Variants in UFD1 observed in about 807,000 individuals in gnomAD.
UFD1 encodes ubiquitin recognition factor in ER-associated degradation protein 1.
Under a neutral mutation model 45.9 loss-of-function variants are expected in UFD1, and 13 were observed. The ratio of observed to expected loss-of-function variants is 0.28; its 90% CI spans 0.18 to 0.45. The LOEUF (loss-of-function observed/expected upper bound fraction) is 0.45, where lower values mean the gene tolerates loss of function less well. UFD1 is among the 20% of genes least tolerant of loss of function. The pLI is 1.00. For synonymous variants in UFD1, 128 were observed against 139.2 expected (o/e 0.92, Z 0.56); for missense variants, 218 against 389.2 (o/e 0.56, Z 3.70).
rs374170151 is a variant in UFD1, at chr22:19,455,816, G to A, written c.679-48C>T. On this transcript the variant is annotated intron_variant, in intron 9 of 11. Coordinates refer to ENST00000263202, the MANE Select transcript of UFD1 (RefSeq NM_005659.7). ...ATATAATAAGCCCAAGTGTGAGGAC[G>A]ATATGTCCTTTGCTTGGAGATCACT... 7.5e-5 allele frequency: 116 copies of A among 1,549,080 alleles called. 2 individuals carry two copies. The Middle Eastern group carries it at 8.4e-4, about 11-fold the overall frequency.
intron 4 of UFD1, chr22:19,470,141 G>A: frequency 2.2e-6 from 1 of 452,024 alleles, no homozygotes; most frequent in Admixed American, 2.3e-5. Flanking sequence ...AGAATAGCAA[G>A]GGGCTGAGCA....
rs1456825818 is a variant in UFD1, at chr22:19,458,041, G to A, written c.564+30C>T. The A allele has an allele frequency of 1.9e-6, 3 of 1,613,476 alleles. No individual in the cohort carries two copies. The Admixed American group carries it at 5.0e-5, about 27-fold the overall frequency. ...CAACTGCCCATCCTCCCAGGGCCCA[G>A]GCTCACTGTAACTGGACAGAGCCAC... On this transcript the variant is annotated intron_variant, in intron 7 of 11. Transcript: ENST00000263202.
intron 3 of UFD1, among the ~76,000 whole-genome samples, chr22:19,474,604 A>G (rs2089868286): frequency 6.6e-6 from 1 of 152,160 alleles, no homozygotes; most frequent in Non-Finnish European, 1.5e-5. Context: ...AGCTCAGGAA[A>G]GATGTTTGGT....
chr22:19,474,782 G>C (rs565844071), intron 3 of UFD1, among the ~76,000 whole-genome samples: 21 of 152,286 alleles, frequency 1.4e-4, no homozygotes, highest in African/African-American at 4.6e-4. Flanking sequence ...AGAACAGTTG[G>C]GGGGTGGGTG....
At chr22:19,471,948 G>T in intron 3 of UFD1, 140 bp from the exon 4 acceptor site, 1 of 1,221,034 alleles carries the variant, frequency 8.2e-7, no homozygotes, top group Non-Finnish European at 1.1e-6. Context: ...CCCTCTGTGA[G>T]AGCACAGTGC....
At chr22:19,454,395 T>A (rs1011517171) in intron 11 of UFD1, 2 of 872,370 alleles carry the variant, frequency 2.3e-6, no homozygotes, top group Non-Finnish European at 1.4e-6. Flanking sequence ...GGGAGGTAAC[T>A]GAGTCATGAG....
At chr22:19,473,128 C>T (rs1469435165) in intron 3 of UFD1, among the ~76,000 whole-genome samples, 2 of 152,192 alleles carry the variant, frequency 1.3e-5, no homozygotes, top group East Asian at 1.9e-4. Context: ...TGTCCCGGTC[C>T]ACCTCTCAGC....
chr22:19,456,218 G>A (rs569176213), intron 9 of UFD1, among the ~76,000 whole-genome samples: 266 of 152,298 alleles, frequency 1.7e-3, no homozygotes, highest in Non-Finnish European at 2.7e-3. Flanking sequence ...TAAGGGTCAT[G>A]TTTGCAACCT....
At chr22:19,472,380 C>G (rs748050547) in intron 3 of UFD1, among the ~76,000 whole-genome samples, 1 of 152,080 alleles carries the variant, frequency 6.6e-6, no homozygotes, top group African/African-American at 2.4e-5. Flanking sequence ...GACAGGTGTG[C>G]GAGTGGTTGG....
intron 11 of UFD1, chr22:19,453,473 G>A: frequency 2.0e-6 from 2 of 985,488 alleles, no homozygotes; most frequent in South Asian, 9.4e-5. Flanking sequence ...CCTGCCTTCT[G>A]TAAATTTGCA....
chr22:19,478,377 C>G (rs924871045), intron 1 of UFD1, among the ~76,000 whole-genome samples: 2 of 152,176 alleles, frequency 1.3e-5, no homozygotes, highest in Admixed American at 6.5e-5. Flanking sequence ...GCTTTGCAGC[C>G]AGACAGACTT....
rs908363614 is a variant in UFD1 at position 19,458,196 on chromosome 22, G to A, written c.496-57C>T. ...GTTTCCTGGCAGCACTGGAGCTGTCGCTGTCCATGTTACTGTGGCTCTACT... is the reference window on the plus strand; with the variant it reads ...GTTTCCTGGCAGCACTGGAGCTGTCACTGTCCATGTTACTGTGGCTCTACT... On this transcript the variant is annotated intron_variant, in intron 6 of 11. Coordinates refer to ENST00000263202, the MANE Select transcript of UFD1 (RefSeq NM_005659.7). 1.0e-5 allele frequency: 16 copies of A among 1,580,624 alleles called. 2 individuals carry two copies. The highest frequency in any genetic ancestry group is 5.4e-5 in the African/African-American group (4 of 74,366).
intron 6 of UFD1, among the ~76,000 whole-genome samples, chr22:19,459,153 C>G (rs1182662470): frequency 6.6e-6 from 1 of 152,162 alleles, no homozygotes; most frequent in Non-Finnish European, 1.5e-5. Flanking sequence ...GAACCATGGT[C>G]AGGGACTGTC....
At chr22:19,451,301 ATG>A in intron 11 of UFD1, 1 of 985,522 alleles carries the variant, frequency 1.0e-6, no homozygotes, top group Non-Finnish European at 1.2e-6. Context: ...GAATTCCATG[ATG>A]TAGGAGGGCC....
chr22:19,475,729 A>G (rs1601904403), intron 1 of UFD1, 127 bp from the exon 2 acceptor site: 2 of 1,173,862 alleles, frequency 1.7e-6, no homozygotes, highest in East Asian at 5.1e-5. Context: ...GAAATCTTCA[A>G]TGTAATCTTA....
chr22:19,474,200 A>G (rs2089865141), intron 3 of UFD1, among the ~76,000 whole-genome samples: 3 of 152,136 alleles, frequency 2.0e-5, no homozygotes, highest in Non-Finnish European at 4.4e-5. Flanking sequence ...ATGGAAGACA[A>G]TAGCTCAGTT....
At chr22:19,456,790 A>G in intron 8 of UFD1, 63 bp downstream of exon 8, 3 of 1,613,824 alleles carry the variant, frequency 1.9e-6, no homozygotes, top group Admixed American at 1.7e-5. Flanking sequence ...CCCACGAGCC[A>G]CTGCCAGGAA....
At chr22:19,471,627 G>C (rs989213832) in intron 4 of UFD1, 60 bp downstream of exon 4, 42 of 1,591,276 alleles carry the variant, frequency 2.6e-5, no homozygotes, top group Non-Finnish European at 3.1e-5. Flanking sequence ...GGACTCTCGA[G>C]TGCAGGAGAT....
chr22:19,465,460 T>C, intron 5 of UFD1, 186 bp from the exon 6 acceptor site: 2 of 545,790 alleles, frequency 3.7e-6, no homozygotes, highest in Non-Finnish European at 6.5e-6. Flanking sequence ...TGCAATAATA[T>C]GGATGAAATG....
Sources: allele counts gnomAD v4.1 joint callset (sites outside exome capture counted in the v4.1 genomes callset), GRCh38; gene constraint gnomAD v4.1.1; transcripts MANE v1.5; gene names NCBI Gene and HGNC (gene_info 2026-07-23, HGNC 2026-07-21).